Variants in TIAM2 observed in about 807,000 individuals in gnomAD.
The protein encoded by TIAM2 is rho guanine nucleotide exchange factor TIAM2.
Under a neutral mutation model 152.9 loss-of-function variants are expected in TIAM2, and 80 were observed. The observed-to-expected ratio is 0.52, with a 90% CI of 0.44 to 0.63. The LOEUF (loss-of-function observed/expected upper bound fraction) is 0.63. TIAM2 is among the 30% of genes least tolerant of loss of function. The probability of loss-of-function intolerance (pLI) is 0.00; values close to 1 mark genes in which losing one functional copy is unlikely to be tolerated. For missense variants in TIAM2, 1,965 were observed against 2,120.1 expected (o/e 0.93, Z 1.44); for synonymous variants, 804 against 838.0 (o/e 0.96, Z 0.70).
chr6:155,150,642 G>T (rs1779931814), intron 7 of TIAM2, among the ~76,000 whole-genome samples: 1 of 152,166 alleles, frequency 6.6e-6, no homozygotes, highest in African/African-American at 2.4e-5. Flanking sequence ...TGTAAAGCGG[G>T]TGGCTTATAA....
chr6:155,245,459 C>T (rs529819061), intron 18 of TIAM2, among the ~76,000 whole-genome samples, 164 bp from the exon 19 acceptor site: 8 of 152,348 alleles, frequency 5.3e-5, no homozygotes, highest in South Asian at 2.1e-4. Flanking sequence ...GCCAGGGGAG[C>T]GCCTGGGCTG....
intron 14 of TIAM2, among the ~76,000 whole-genome samples, chr6:155,203,628 A>AT (rs1415615182): frequency 6.6e-6 from 1 of 152,112 alleles, no homozygotes; most frequent in Non-Finnish European, 1.5e-5. Context: ...TATTTTTTAG[A>AT]TTTTTTTCAG....
At chr6:155,009,033 G>A (rs1437795957) in intron 1 of TIAM2, among the ~76,000 whole-genome samples, 2 of 151,394 alleles carry the variant, frequency 1.3e-5, no homozygotes, top group Non-Finnish European at 1.5e-5. Context: ...GAATCACCTG[G>A]AGGGCTTGCT....
At chr6:155,184,128 A>G (rs190662675) in intron 14 of TIAM2, among the ~76,000 whole-genome samples, 5 of 152,216 alleles carry the variant, frequency 3.3e-5, no homozygotes, top group African/African-American at 9.6e-5. Context: ...AGCTGAGACT[A>G]CAAACGTGTA....
chr6:155,057,718 G>A (rs1386673842), intron 1 of TIAM2, among the ~76,000 whole-genome samples: 2 of 151,444 alleles, frequency 1.3e-5, no homozygotes, highest in Non-Finnish European at 2.9e-5. Flanking sequence ...GCTAACTTTT[G>A]TATTTTTAGT....
chr6:155,185,123 C>CTTTTTTTTTT lies in TIAM2; in HGVS notation c.3064+1637_3064+1646dup, dbSNP rs11404301. The stretch of plus-strand genomic sequence containing the variant: ...AAAGTAGAGAAAGGGGCAAATTTAC[C>CTTTTTTTTTT]TTTTTTTTTTTTTTTTTTTTTTTGA... On this transcript the variant is annotated intron_variant, in intron 14 of 26. Transcript: ENST00000682666. Among the ~76,000 whole-genome samples the CTTTTTTTTTT allele has an allele frequency of 4.5e-4, 42 of 92,400 alleles. 1 individual carries two copies. Among genetic ancestry groups the CTTTTTTTTTT allele is most frequent in the African/African-American group, 1.7e-3 (39 of 22,734 alleles). The allele number at this position is 92,400 out of a possible 152,430, so 60.6% of individuals were successfully genotyped here. A position where few individuals can be genotyped will look rare whatever the true frequency, so the allele number is the denominator to read the frequency against.
chr6:155,183,371 G>T lies in TIAM2; in HGVS notation c.2935G>T (p.Ala979Ser), dbSNP rs73577403. The change falls in exon 14 of 27, where the codon GCA becomes TCA. Residue 979 changes from alanine to serine, a missense_variant. By Grantham distance (99) the Ala-to-Ser change is moderately conservative. Transcript: ENST00000682666. Reference protein sequence around the residue: ...TLIARPPDTKATLCTSWSDSD... With the variant: ...TLIARPPDTKSTLCTSWSDSD... ...GATTGCCCGGCCTCCGGACACAAAA[G>T]CAACCCTGTGTACATCCTGGTCAGA... The T allele has an allele frequency of 3.1e-6, 5 of 1,614,054 alleles. No homozygotes were observed. In the Admixed American group the frequency reaches 8.3e-5, roughly 27 times the overall value.
At chr6:155,021,679 C>T (rs967789162) in intron 1 of TIAM2, among the ~76,000 whole-genome samples, 1 of 152,178 alleles carries the variant, frequency 6.6e-6, no homozygotes, top group South Asian at 2.1e-4. Context: ...CTGCAAAGTG[C>T]TAGGGTTTTT....
chr6:155,134,404 C>G (rs1465537618), intron 4 of TIAM2, among the ~76,000 whole-genome samples: 4 of 145,534 alleles, frequency 2.7e-5, no homozygotes, highest in South Asian at 4.6e-4. Flanking sequence ...CCCACCCCCC[C>G]CCATTTCTGA....
chr6:155,229,371 C>G (rs114601875), intron 15 of TIAM2, among the ~76,000 whole-genome samples: 2,392 of 152,242 alleles, frequency 0.016, 45 homozygotes, highest in South Asian at 0.057. Context: ...ATGCCCTGTG[C>G]AAATTATAAC....
chr6:155,126,948 G>A (rs775200898), intron 2 of TIAM2, among the ~76,000 whole-genome samples: 2 of 152,046 alleles, frequency 1.3e-5, no homozygotes, highest in African/African-American at 4.8e-5. Flanking sequence ...CTCCCTTTCA[G>A]AAGCCCTGCC....
Position 155,156,063 on chromosome 6 carries a change from T to C in TIAM2, c.2028+7729T>C, listed in dbSNP as rs1005963249. On this transcript the variant is annotated intron_variant, in intron 7 of 26. Coordinates refer to ENST00000682666, the MANE Select transcript of TIAM2 (RefSeq NM_012454.4). The surrounding 1 kb of genome is among the most constrained non-coding windows in gnomAD (Gnocchi z 4.4). ...TGATTCAGTGCACGTGGCATTCCAG[T>C]GCTGTGGAAGACAGAAATGGGAAAT... Among the ~76,000 whole-genome samples the C allele has an allele frequency of 2.6e-5, 4 of 152,184 alleles. No homozygotes were observed. Among genetic ancestry groups the C allele is most frequent in the African/African-American group, 4.8e-5 (2 of 41,446 alleles).
intron 1 of TIAM2, among the ~76,000 whole-genome samples, chr6:155,000,893 A>G (rs970862355): frequency 6.6e-6 from 1 of 152,194 alleles, no homozygotes; most frequent in Non-Finnish European, 1.5e-5. Context: ...TTGGGGCACG[A>G]GAATTGCTTG....
At chr6:155,080,408 T>C (rs1396562993) in intron 1 of TIAM2, among the ~76,000 whole-genome samples, 1 of 151,930 alleles carries the variant, frequency 6.6e-6, no homozygotes, top group Non-Finnish European at 1.5e-5. Context: ...TATTTAGCTT[T>C]GGACAGAAGT....
intron 4 of TIAM2, among the ~76,000 whole-genome samples, chr6:155,136,209 A>G (rs953141769): frequency 6.6e-6 from 1 of 151,332 alleles, no homozygotes; most frequent in African/African-American, 2.4e-5. Flanking sequence ...AAAAAAAAAA[A>G]GAAAAACAAA....
At position 155,256,572 on chromosome 6, in the gene TIAM2, C is replaced by A. The variant is rs114296676; in HGVS notation, c.4557C>A (p.Asp1519Glu). The change falls in exon 27 of 27, where the codon GAC becomes GAA. Residue 1519 changes from aspartate (D) to glutamate (E), a missense_variant. This residue lies in a region of TIAM2 where 935 missense variants were observed against 980.0 expected (regional missense o/e 0.95). Coordinates refer to ENST00000682666, the MANE Select transcript of TIAM2 (RefSeq NM_012454.4). ...ETGKGTLLDSDEGSLSSGTQS... is the reference protein window; with the variant it reads ...ETGKGTLLDSEEGSLSSGTQS... ...GCAAGGGAACCTTGCTGGACTCTGA[C>A]GAGGGCAGCTTGAGCAGCGGCACCC... The A allele has an allele frequency of 6.9e-5, 111 of 1,614,192 alleles. No individual in the cohort carries two copies. The African/African-American group carries it at 1.4e-3, about 21-fold the overall frequency.
At chr6:155,000,854 C>T (rs1001256698) in intron 1 of TIAM2, among the ~76,000 whole-genome samples, 2 of 152,078 alleles carry the variant, frequency 1.3e-5, no homozygotes, top group African/African-American at 2.4e-5. Flanking sequence ...TGTGGTGGTG[C>T]ACATCTGTAG....
chr6:155,033,219 A>G (rs1165397390), intron 1 of TIAM2, among the ~76,000 whole-genome samples: 1 of 152,166 alleles, frequency 6.6e-6, no homozygotes, highest in Non-Finnish European at 1.5e-5. Context: ...CCTGCGCGCT[A>G]CTTAAATGCG....
At chr6:155,184,083 G>A (rs1583235810) in intron 14 of TIAM2, among the ~76,000 whole-genome samples, 1 of 152,038 alleles carries the variant, frequency 6.6e-6, no homozygotes, top group Admixed American at 6.5e-5. Flanking sequence ...CTGTCTCCCG[G>A]GTTCAAGAGA....
Sources: allele counts gnomAD v4.1 joint callset (sites outside exome capture counted in the v4.1 genomes callset), GRCh38; gene constraint gnomAD v4.1.1; regional missense constraint gnomAD v4.1.1; non-coding constraint Gnocchi (gnomAD v3.1); transcripts MANE v1.5; gene names NCBI Gene and HGNC (gene_info 2026-07-23, HGNC 2026-07-21).